ZMAT5: variants seen among roughly 807,000 people sequenced by gnomAD.
ZMAT5 encodes the protein zinc finger matrin-type protein 5.
ZMAT5 carries 23 observed loss-of-function variants against 28.0 expected under a neutral mutation model. The observed-to-expected ratio is 0.82, with a 90% CI of 0.59 to 1.16. The LOEUF (loss-of-function observed/expected upper bound fraction) is 1.16, where lower values mean the gene tolerates loss of function less well. Ranked by LOEUF, ZMAT5 falls within the 50% of genes most tolerant of loss-of-function variation. The pLI is 0.00. For synonymous variants in ZMAT5, 76 were observed against 84.1 expected, an observed-to-expected ratio of 0.90 and a Z score of 0.52; for missense variants, 173 against 212.7, an observed-to-expected ratio of 0.81 and a Z score of 1.16.
At chr22:29,743,464 T>C (rs1209813571) in intron 2 of ZMAT5, among the ~76,000 whole-genome samples, 1 of 152,234 alleles carries the variant, frequency 6.6e-6, no homozygotes, top group Non-Finnish European at 1.5e-5. Flanking sequence ...AAGTTCTCAC[T>C]CTGTCACCCA....
intron 3 of ZMAT5, 95 bp downstream of exon 3, chr22:29,742,323 G>T: frequency 7.7e-7 from 1 of 1,301,640 alleles, no homozygotes; most frequent in Non-Finnish European, 1.1e-6. Flanking sequence ...TGGGATGGTG[G>T]CCCGGGTCGG....
intron 3 of ZMAT5, 59 bp downstream of exon 3, chr22:29,742,359 T>G: frequency 6.4e-7 from 1 of 1,564,044 alleles, no homozygotes; most frequent in Non-Finnish European, 8.8e-7. Flanking sequence ...GAGGTCCAAG[T>G]GGGGCAGGCT....
At chr22:29,757,786 G>A (rs1328125703) in intron 1 of ZMAT5, among the ~76,000 whole-genome samples, 9 of 152,218 alleles carry the variant, frequency 5.9e-5, no homozygotes, top group Non-Finnish European at 1.5e-5. Context: ...GGGAGGCCAA[G>A]GCGGGCAGAT....
chr22:29,737,423 G>A (rs1429874904), intron 5 of ZMAT5, among the ~76,000 whole-genome samples: 2 of 152,238 alleles, frequency 1.3e-5, no homozygotes, highest in African/African-American at 4.8e-5. Context: ...TCCTGGCAGA[G>A]CTCCAAGGGA....
In ZMAT5 at chr22:29,738,405, G is replaced by T; in HGVS notation, c.308C>A (p.Pro103His). ...CTCCAGATGGCCCTCGGGGAGCTCA[G>T]GAGCATCTAGTAGCCACTCCCTGGC... ...RRAREWLLDA[P>H]ELPEGHLEDW... The change falls in exon 5 of 6, where the codon CCT (proline) becomes CAT (histidine). Residue 103 changes from proline to histidine, a missense_variant. Coordinates refer to ENST00000344318, the MANE Select transcript of ZMAT5 (RefSeq NM_001003692.2). The T allele has an allele frequency of 6.2e-7, 1 of 1,610,938 alleles. No individual in the cohort carries two copies.
At chr22:29,766,550 G>C (rs527981105) in intron 1 of ZMAT5, among the ~76,000 whole-genome samples, 1 of 152,338 alleles carries the variant, frequency 6.6e-6, no homozygotes, top group South Asian at 2.1e-4. Flanking sequence ...GAATGCCCCA[G>C]GTACTCCAAA....
chr22:29,756,740 C>A (rs1024944548), intron 1 of ZMAT5, among the ~76,000 whole-genome samples: 11 of 151,948 alleles, frequency 7.2e-5, no homozygotes, highest in Non-Finnish European at 1.2e-4. Context: ...TAGACCCCAT[C>A]TCCACAAAAA....
intron 5 of ZMAT5, chr22:29,731,692 T>C (rs756087272): frequency 1.2e-5 from 3 of 252,310 alleles, no homozygotes; most frequent in Non-Finnish European, 2.2e-5. Context: ...GGCAGATTTA[T>C]ATGCACTGAT....
chr22:29,744,476 G>A lies in ZMAT5; in HGVS notation c.128-1996C>T, dbSNP rs929399198. ...GGGTGGGGAGGGTCTATCTGTTAGC[G>A]CCGGGCTTGTCAGACTCATTGTACC... On this transcript the variant is annotated intron_variant, in intron 2 of 5. Coordinates refer to ENST00000344318, the MANE Select transcript of ZMAT5 (RefSeq NM_001003692.2). Among the ~76,000 whole-genome samples the A allele has an allele frequency of 9.2e-5, 14 of 151,996 alleles. 1 individual carries two copies. Among genetic ancestry groups the A allele is most frequent in the South Asian group, 8.3e-4 (4 of 4,816 alleles).
At chr22:29,753,581 C>T (rs370896855) in intron 1 of ZMAT5, among the ~76,000 whole-genome samples, 3 of 151,886 alleles carry the variant, frequency 2.0e-5, no homozygotes, top group African/African-American at 4.8e-5. Flanking sequence ...CCCAGCTACT[C>T]GGGAGGCTGA....
intron 2 of ZMAT5, 27 bp from the exon 3 acceptor site, chr22:29,742,507 C>T (rs528718083): frequency 2.3e-5 from 37 of 1,609,996 alleles, no homozygotes; most frequent in African/African-American, 4.0e-5. Flanking sequence ...GGACGGGATT[C>T]GGATGGTTCA....
intron 2 of ZMAT5, among the ~76,000 whole-genome samples, chr22:29,744,370 G>A (rs1294601074): frequency 2.6e-5 from 4 of 151,948 alleles, no homozygotes; most frequent in Non-Finnish European, 4.4e-5. Flanking sequence ...GGTGGCTTGT[G>A]GGAGGCGGGG....
At chr22:29,742,860 C>G (rs1480007515) in intron 2 of ZMAT5, among the ~76,000 whole-genome samples, 2 of 152,188 alleles carry the variant, frequency 1.3e-5, no homozygotes, top group Non-Finnish European at 2.9e-5. Flanking sequence ...GCAATCATGG[C>G]TCACTGCAGC....
intron 5 of ZMAT5, among the ~76,000 whole-genome samples, chr22:29,733,360 G>A (rs995912469): frequency 6.6e-6 from 1 of 152,168 alleles, no homozygotes; most frequent in Admixed American, 6.5e-5. Flanking sequence ...TGGAGAGCCG[G>A]GGTCAGGAGC....
chr22:29,754,112 G>A (rs1275601814), intron 1 of ZMAT5, among the ~76,000 whole-genome samples: 1 of 152,154 alleles, frequency 6.6e-6, no homozygotes, highest in Non-Finnish European at 1.5e-5. Context: ...GGACAGGGGA[G>A]GAAGGGGACA....
intron 1 of ZMAT5, among the ~76,000 whole-genome samples, chr22:29,751,320 G>A (rs193219347): frequency 4.6e-5 from 7 of 152,332 alleles, no homozygotes; most frequent in East Asian, 3.9e-4. Flanking sequence ...AGGCCTCTAC[G>A]TTCACTGTGG....
rs148677154 is a variant in ZMAT5, at chr22:29,758,433, T to G, written c.-28+8439A>C. On this transcript the variant is annotated intron_variant, in intron 1 of 5. Transcript: ENST00000344318. ...GAGTTTGAGACCAGCCTGAGCAACA[T>G]AGTAAGACCCTATCTCTACAAACAG... 9.7e-3 allele frequency among the ~76,000 whole-genome samples: 1,481 copies of G among 152,276 alleles called. 20 individuals are homozygous for G. Among genetic ancestry groups the G allele is most frequent in the African/African-American group, 0.034 (1,392 of 41,544 alleles).
chr22:29,748,464 C>T lies in ZMAT5; in HGVS notation c.81G>A (p.Gly27=). 2 of 1,614,248 alleles carry T rather than the reference C, an allele frequency of 1.2e-6. No homozygotes were observed. Among genetic ancestry groups the T allele is most frequent in the Middle Eastern group, 1.6e-4 (1 of 6,062 alleles). ...NLHNRKKHLN[G]LQHLKAKKVW... is the part of the protein sequence containing the mutation. ...CCTTCTTGGCCTTGAGGTGCTGCAG[C>T]CCGTTCAGGTGCTTCTTGCGGTTGT... Residue 27 remains glycine (G), a synonymous_variant, in exon 2 of 6, where the codon GGG becomes GGA. Transcript: ENST00000344318.
chr22:29,743,890 G>A (rs2067986560), intron 2 of ZMAT5, among the ~76,000 whole-genome samples: 2 of 152,168 alleles, frequency 1.3e-5, no homozygotes, highest in Admixed American at 6.5e-5. Flanking sequence ...GCAAGGCCTG[G>A]GCTGGACATT....
Sources: allele counts gnomAD v4.1 joint callset (sites outside exome capture counted in the v4.1 genomes callset), GRCh38; gene constraint gnomAD v4.1.1; transcripts MANE v1.5; gene names NCBI Gene and HGNC (gene_info 2026-07-23, HGNC 2026-07-21).